Variants in RNF2 observed in about 807,000 individuals in gnomAD.
RNF2 encodes E3 ubiquitin-protein ligase RING2.
In RNF2, 6 loss-of-function variants were observed where a neutral mutation model predicts 37.2. That is an observed-to-expected ratio of 0.16 (90% CI 0.09 to 0.32). The LOEUF is 0.32. Among genes scored for constraint, RNF2 ranks in the 10% least tolerant of loss-of-function variants. The pLI is 1.00. For missense variants in RNF2, 251 were observed against 404.0 expected (o/e 0.62, Z 3.25); for synonymous variants, 133 against 132.7 (o/e 1.00, Z -0.02).
intron 1 of RNF2, among the ~76,000 whole-genome samples, chr1:185,082,345 C>CATTTTTTTTTTTTTTTTTTTTTT (rs1651442966): frequency 1.4e-5 from 1 of 72,000 alleles, no homozygotes; most frequent in Non-Finnish European, 2.9e-5. Context: ...CTCTGCAGAA[C>CATTTTTTTTTTTTTTTTTTTTTT]TTTTTTTTTT....
chr1:185,058,648 A>G (rs76046313), intron 1 of RNF2, among the ~76,000 whole-genome samples: 2,608 of 152,288 alleles, frequency 0.017, 77 homozygotes, highest in African/African-American at 0.058. Context: ...TACTTTAACT[A>G]CTTAAGTTTT....
intron 2 of RNF2, among the ~76,000 whole-genome samples, chr1:185,089,810 A>T (rs111411120): frequency 1.1e-3 from 162 of 152,094 alleles, no homozygotes; most frequent in Middle Eastern, 3.4e-3. Context: ...CCGGTGGATC[A>T]CCTGAGGTCA....
chr1:185,100,342 C>A lies in RNF2; in HGVS notation c.*41C>A. The A allele has an allele frequency of 7.6e-7, 1 of 1,321,638 alleles. No homozygotes were observed. The highest frequency in any genetic ancestry group is 1.1e-6 in the Non-Finnish European group (1 of 936,442). 81.9% of individuals were successfully genotyped at this position (1,321,638 alleles called of 1,614,324 possible). A position where few individuals can be genotyped will look rare whatever the true frequency, so the allele number is the denominator to read the frequency against. Reference sequence around the variant, plus strand: ...TTCTGAGACTGAACTTTTTTATAGCCTATTTCTTTAATATTAAAGATGTAC... The same window carrying A: ...TTCTGAGACTGAACTTTTTTATAGCATATTTCTTTAATATTAAAGATGTAC... On this transcript the variant is annotated 3_prime_UTR_variant, in exon 7 of 7. Transcript: ENST00000367510.
At chr1:185,093,552 C>A (rs1190414175) in intron 4 of RNF2, among the ~76,000 whole-genome samples, 1 of 152,194 alleles carries the variant, frequency 6.6e-6, no homozygotes, top group South Asian at 2.1e-4. Flanking sequence ...TTTTCCTATT[C>A]TTTTATGAAC....
In RNF2 at chr1:185,091,521, G is replaced by A. The variant is rs1323614329; in HGVS notation, c.88-58G>A. 5.2e-6 allele frequency: 8 copies of A among 1,530,662 alleles called. No individual in the cohort carries two copies. In the Admixed American group the frequency reaches 1.4e-4, roughly 26 times the overall value. 94.8% of individuals were successfully genotyped at this position (1,530,662 alleles called of 1,614,324 possible). On this transcript the variant is annotated intron_variant, in intron 2 of 6. Transcript: ENST00000367510. ...CCATTTCCAGTACTTTTATATGTTT[G>A]AGCTTGTCCATAATAAAAAATTAAG...
intron 1 of RNF2, among the ~76,000 whole-genome samples, chr1:185,056,010 G>A (rs540574584): frequency 2.4e-4 from 37 of 152,176 alleles, no homozygotes; most frequent in African/African-American, 8.9e-4. Flanking sequence ...AAATATTAAA[G>A]TACTATCTAG....
chr1:185,093,398 C>T (rs879612890), intron 4 of RNF2, 122 bp downstream of exon 4: 127 of 822,200 alleles, frequency 1.5e-4, no homozygotes, highest in Non-Finnish European at 2.2e-4. Context: ...GATTACCTTT[C>T]GTGCAGGTAT....
At chr1:185,094,933 T>G (rs924969314) in intron 4 of RNF2, among the ~76,000 whole-genome samples, 1 of 152,186 alleles carries the variant, frequency 6.6e-6, no homozygotes, top group Non-Finnish European at 1.5e-5. Context: ...CAGAAAACTT[T>G]CAAATCTCAT....
chr1:185,052,991 G>A (rs1650313967), intron 1 of RNF2, among the ~76,000 whole-genome samples: 1 of 152,146 alleles, frequency 6.6e-6, no homozygotes, highest in African/African-American at 2.4e-5. Context: ...CTAAGAGGTG[G>A]TATGACATCA....
At chr1:185,046,576 A>G (rs972776737) in intron 1 of RNF2, among the ~76,000 whole-genome samples, 1 of 152,182 alleles carries the variant, frequency 6.6e-6, no homozygotes, top group Non-Finnish European at 1.5e-5. Flanking sequence ...CCCTTTGGGT[A>G]TCTTTTTCGA....
intron 1 of RNF2, among the ~76,000 whole-genome samples, chr1:185,066,109 C>T (rs183214076): frequency 2.6e-5 from 4 of 152,248 alleles, no homozygotes; most frequent in African/African-American, 7.2e-5. Flanking sequence ...GTAGGCCTTT[C>T]TCATCTCTTC....
chr1:185,084,636 C>A (rs1206821402), intron 1 of RNF2, among the ~76,000 whole-genome samples: 1 of 152,178 alleles, frequency 6.6e-6, no homozygotes, highest in African/African-American at 2.4e-5. Context: ...TCTAGAGCTT[C>A]TCTTAGCTGT....
chr1:185,058,846 G>A (rs565547796), intron 1 of RNF2, among the ~76,000 whole-genome samples: 1 of 152,176 alleles, frequency 6.6e-6, no homozygotes, highest in South Asian at 2.1e-4. Flanking sequence ...CACTTAAAAC[G>A]TGCTCATTTT....
intron 4 of RNF2, among the ~76,000 whole-genome samples, chr1:185,096,093 A>G (rs1020428126): frequency 6.6e-6 from 1 of 152,226 alleles, no homozygotes; most frequent in Admixed American, 6.5e-5. Flanking sequence ...AAATAAATAT[A>G]TTGAGTCTTA....
At chr1:185,065,573 C>T (rs900644618) in intron 1 of RNF2, among the ~76,000 whole-genome samples, 3 of 152,176 alleles carry the variant, frequency 2.0e-5, no homozygotes, top group South Asian at 2.1e-4. Context: ...CAACTCCAGA[C>T]GCGCCACCTT....
intron 1 of RNF2, among the ~76,000 whole-genome samples, chr1:185,057,264 T>C (rs1411439395): frequency 6.6e-6 from 1 of 152,142 alleles, no homozygotes. Context: ...TCAGCCATGA[T>C]CACACTGTTT....
At chr1:185,053,456 G>A (rs554233974) in intron 1 of RNF2, among the ~76,000 whole-genome samples, 13 of 151,648 alleles carry the variant, frequency 8.6e-5, no homozygotes, top group Middle Eastern at 3.4e-3. Flanking sequence ...CGCCTCAGCC[G>A]CCTTTGTAGC....
intron 1 of RNF2, among the ~76,000 whole-genome samples, chr1:185,081,317 C>G (rs1557969508): frequency 6.6e-6 from 1 of 151,912 alleles, no homozygotes; most frequent in Non-Finnish European, 1.5e-5. Flanking sequence ...TGTCAAGATG[C>G]TTGAAGAAGT....
At chr1:185,047,067 C>G (rs1477778648) in intron 1 of RNF2, among the ~76,000 whole-genome samples, 2 of 152,154 alleles carry the variant, frequency 1.3e-5, no homozygotes, top group Non-Finnish European at 2.9e-5. Context: ...TCTTAAACTA[C>G]TTTTTAGCAA....
Sources: allele counts gnomAD v4.1 joint callset (sites outside exome capture counted in the v4.1 genomes callset), GRCh38; gene constraint gnomAD v4.1.1; transcripts MANE v1.5; gene names NCBI Gene and HGNC (gene_info 2026-07-23, HGNC 2026-07-21).